MAP6: variants seen among roughly 807,000 people sequenced by gnomAD.
MAP6 encodes the protein microtubule-associated protein 6.
A neutral mutation model predicts 42.4 loss-of-function variants in MAP6; 26 were observed. That is an observed-to-expected ratio of 0.61 (90% CI 0.45 to 0.85). The LOEUF is 0.85. Ranked by LOEUF, MAP6 falls within the 40% of genes least tolerant of loss-of-function variation. The pLI, the probability that MAP6 is intolerant of heterozygous loss-of-function variation, is 0.00. For missense variants in MAP6, 966 were observed against 1,099.0 expected (o/e 0.88, Z 1.71); for synonymous variants, 418 against 443.8 (o/e 0.94, Z 0.73).
At chr11:75,651,825 G>T (rs925548123) in intron 1 of MAP6, among the ~76,000 whole-genome samples, 1 of 152,146 alleles carries the variant, frequency 6.6e-6, no homozygotes, top group Non-Finnish European at 1.5e-5. Flanking sequence ...CTGTTCAGGG[G>T]GTTACTTGCT....
Position 75,667,923 on chromosome 11 carries a change from G to A in MAP6, c.447C>T (p.Pro149=). ...PRSEYQPSDA[P]FERETQYQKD... ...TCTGGTACTGGGTCTCGCGCTCGAA[G>A]GGAGCGTCGGAGGGCTGGTATTCGC... Residue 149 remains proline (P), a synonymous_variant, in exon 1 of 4, where the codon CCC becomes CCT. Coordinates refer to ENST00000304771, the MANE Select transcript of MAP6 (RefSeq NM_033063.2). This position sits in a 1 kb window ranked among gnomAD's most constrained non-coding sequence, Gnocchi z 5.6. The A allele has an allele frequency of 7.1e-7, 1 of 1,403,050 alleles. No homozygotes were observed. Among genetic ancestry groups the A allele is most frequent in the Non-Finnish European group, 9.3e-7 (1 of 1,074,440 alleles). 86.9% of individuals were successfully genotyped at this position (1,403,050 alleles called of 1,614,324 possible). A position where few individuals can be genotyped will look rare whatever the true frequency, so the allele number is the denominator to read the frequency against.
intron 3 of MAP6, chr11:75,602,994 GAATGA>G (rs1942691741): frequency 5.1e-6 from 5 of 985,654 alleles, no homozygotes; most frequent in Non-Finnish European, 6.0e-6. Context: ...CTTACAGCAG[GAATGA>G]AATAGCACCA....
chr11:75,639,895 C>T (rs567940095), intron 1 of MAP6, among the ~76,000 whole-genome samples: 21 of 152,286 alleles, frequency 1.4e-4, no homozygotes, highest in African/African-American at 3.4e-4. Flanking sequence ...GGTGCCCAAG[C>T]GCTAGCTTGG....
chr11:75,615,400 A>C (rs990581851), intron 1 of MAP6, among the ~76,000 whole-genome samples: 5 of 152,262 alleles, frequency 3.3e-5, no homozygotes, highest in Non-Finnish European at 7.3e-5. Flanking sequence ...GAAGAATTAC[A>C]AAGCCCATGG....
chr11:75,631,892 T>C (rs1483789823), intron 1 of MAP6, among the ~76,000 whole-genome samples: 2 of 152,190 alleles, frequency 1.3e-5, no homozygotes, highest in East Asian at 3.8e-4. Flanking sequence ...TGTGAACACA[T>C]TTCTGGTATA....
At chr11:75,628,214 G>A (rs1382570576) in intron 1 of MAP6, among the ~76,000 whole-genome samples, 1 of 152,188 alleles carries the variant, frequency 6.6e-6, no homozygotes, top group Non-Finnish European at 1.5e-5. Flanking sequence ...GGGTCAAGAG[G>A]GCCAGCTGAA....
intron 1 of MAP6, among the ~76,000 whole-genome samples, chr11:75,621,818 T>A (rs1181653139): frequency 1.3e-5 from 2 of 151,916 alleles, no homozygotes; most frequent in Non-Finnish European, 2.9e-5. Context: ...AGGTCAGGAG[T>A]TCGAGACCAG....
At chr11:75,645,343 G>T (rs1943538649) in intron 1 of MAP6, among the ~76,000 whole-genome samples, 1 of 151,988 alleles carries the variant, frequency 6.6e-6, no homozygotes, top group African/African-American at 2.4e-5. Context: ...TTAGGGTTCT[G>T]GGTGGGGGTG....
At chr11:75,640,814 C>A (rs1322661175) in intron 1 of MAP6, among the ~76,000 whole-genome samples, 1 of 152,122 alleles carries the variant, frequency 6.6e-6, no homozygotes, top group Non-Finnish European at 1.5e-5. Context: ...GAATGGCGAT[C>A]ATTAAAAAGT....
chr11:75,613,681 AAG>A (rs1458597145), intron 1 of MAP6, among the ~76,000 whole-genome samples: 1 of 152,200 alleles, frequency 6.6e-6, no homozygotes, highest in African/African-American at 2.4e-5. Context: ...CAGGGGCAGA[AAG>A]AGAGTCTGGG....
At chr11:75,631,967 C>T (rs550687034) in intron 1 of MAP6, among the ~76,000 whole-genome samples, 18 of 152,168 alleles carry the variant, frequency 1.2e-4, no homozygotes, top group Admixed American at 9.2e-4. Context: ...ATTATCTCTG[C>T]GAGCCCCATA....
chr11:75,621,320 A>AAAAG (rs888825332), intron 1 of MAP6, among the ~76,000 whole-genome samples: 2 of 152,168 alleles, frequency 1.3e-5, no homozygotes, highest in Admixed American at 6.5e-5. Flanking sequence ...TACTTAAAAA[A>AAAAG]AAAGAAAGAA....
chr11:75,636,795 T>C (rs1943376731), intron 1 of MAP6, among the ~76,000 whole-genome samples: 1 of 152,134 alleles, frequency 6.6e-6, no homozygotes, highest in African/African-American at 2.4e-5. Flanking sequence ...AGCTTATCCA[T>C]TACTTCCTGC....
At chr11:75,640,810 C>T (rs1231669127) in intron 1 of MAP6, among the ~76,000 whole-genome samples, 9 of 152,146 alleles carry the variant, frequency 5.9e-5, no homozygotes, top group African/African-American at 1.9e-4. Flanking sequence ...GTTAGAATGG[C>T]GATCATTAAA....
chr11:75,662,770 C>T (rs1226210056), intron 1 of MAP6, among the ~76,000 whole-genome samples: 1 of 152,114 alleles, frequency 6.6e-6, no homozygotes, highest in African/African-American at 2.4e-5. Flanking sequence ...ACACCCCAGA[C>T]CAATGAAATC....
chr11:75,611,185 TC>T (rs1942890426), intron 1 of MAP6, among the ~76,000 whole-genome samples: 1 of 152,268 alleles, frequency 6.6e-6, no homozygotes, highest in African/African-American at 2.4e-5. Flanking sequence ...TTAGATGGGC[TC>T]CTGGTATTTG....
At chr11:75,635,078 TA>T (rs751026486) in intron 1 of MAP6, among the ~76,000 whole-genome samples, 1 of 152,158 alleles carries the variant, frequency 6.6e-6, no homozygotes, top group Non-Finnish European at 1.5e-5. Context: ...TTAAGGCTCA[TA>T]AAATGGGAGC....
chr11:75,623,505 A>T (rs1294426577), intron 1 of MAP6, among the ~76,000 whole-genome samples: 1 of 152,180 alleles, frequency 6.6e-6, no homozygotes, highest in African/African-American at 2.4e-5. Flanking sequence ...CTTTGCAAGG[A>T]GGTGATCCCT....
chr11:75,639,561 G>A (rs1184851678), intron 1 of MAP6, among the ~76,000 whole-genome samples: 1 of 152,164 alleles, frequency 6.6e-6, no homozygotes, highest in African/African-American at 2.4e-5. Context: ...CTGATGCGGG[G>A]TGCAAACACA....
Sources: allele counts gnomAD v4.1 joint callset (sites outside exome capture counted in the v4.1 genomes callset), GRCh38; gene constraint gnomAD v4.1.1; non-coding constraint Gnocchi (gnomAD v3.1); transcripts MANE v1.5; gene names NCBI Gene and HGNC (gene_info 2026-07-23, HGNC 2026-07-21).